The following FBXO40 variants were observed in gnomAD, a reference collection of about 807,000 sequenced individuals.
FBXO40 encodes F-box protein 40, also known as F-box only protein 40.
In FBXO40, 50 loss-of-function variants were observed where a neutral mutation model predicts 49.9. The ratio of observed to expected loss-of-function variants is 1.00; its 90% CI spans 0.80 to 1.27. FBXO40 has a LOEUF of 1.27. Among genes scored for constraint, FBXO40 ranks in the 50% most tolerant of loss-of-function variants. The probability of loss-of-function intolerance (pLI) is 0.00; values close to 1 mark genes in which losing one functional copy is unlikely to be tolerated. For missense variants in FBXO40, 895 were observed against 870.1 expected (o/e 1.03, Z -0.36); for synonymous variants, 340 against 320.2 (o/e 1.06, Z -0.66).
At chr3:121,601,513 A>T (rs2048901305) in intron 1 of FBXO40, among the ~76,000 whole-genome samples, 1 of 152,238 alleles carries the variant, frequency 6.6e-6, no homozygotes, top group South Asian at 2.1e-4. Context: ...CAGCTTCAAT[A>T]ATACTGTTCC....
Position 121,622,021 on chromosome 3 carries a change from G to A in FBXO40, c.592G>A (p.Glu198Lys), listed in dbSNP as rs1237704052. Residue 198 changes from glutamate to lysine, a missense_variant, in exon 3 of 4, where the codon GAA (glutamate) becomes AAA (lysine). Transcript: ENST00000338040. ...TNGEMAELSQ[E>K]EREVLAKTKE... ...TGGGGAGATGGCAGAGCTAAGTCAA[G>A]AAGAACGGGAGGTGCTAGCCAAAAC... The A allele has an allele frequency of 6.2e-7, 1 of 1,614,138 alleles. No homozygotes were observed. Among genetic ancestry groups the A allele is most frequent in the Non-Finnish European group, 8.5e-7 (1 of 1,180,058 alleles).
chr3:121,595,938 G>A (rs1258506457), intron 1 of FBXO40, among the ~76,000 whole-genome samples: 2 of 152,184 alleles, frequency 1.3e-5, no homozygotes, highest in Non-Finnish European at 2.9e-5. Flanking sequence ...ACATGAGGAG[G>A]CAGAATAGTT....
At chr3:121,594,026 C>T (rs188834677) in intron 1 of FBXO40, among the ~76,000 whole-genome samples, 2,236 of 151,860 alleles carry the variant, frequency 0.015, 19 homozygotes, top group Middle Eastern at 0.027. Flanking sequence ...CCACCACATC[C>T]GGCCAATTTT....
intron 1 of FBXO40, among the ~76,000 whole-genome samples, chr3:121,594,977 C>T (rs2048863939): frequency 1.3e-5 from 2 of 152,144 alleles, no homozygotes; most frequent in Admixed American, 1.3e-4. Context: ...GGTAAGGGAG[C>T]AGTGTTTATT....
intron 1 of FBXO40, among the ~76,000 whole-genome samples, chr3:121,615,910 T>G (rs938308340): frequency 4.6e-5 from 7 of 152,200 alleles, no homozygotes; most frequent in African/African-American, 1.7e-4. Context: ...CACTTTAAGA[T>G]GGAGTCACTC....
At chr3:121,609,558 A>G (rs1351882985) in intron 1 of FBXO40, among the ~76,000 whole-genome samples, 2 of 152,150 alleles carry the variant, frequency 1.3e-5, no homozygotes, top group Non-Finnish European at 2.9e-5. Flanking sequence ...TTCAAAGTCA[A>G]ACAGAGGTGT....
intron 1 of FBXO40, among the ~76,000 whole-genome samples, chr3:121,614,269 C>CA (rs35824526): frequency 0.33 from 25,217 of 77,452 alleles, 4,427 homozygotes; most frequent in African/African-American, 0.46. Flanking sequence ...GACTCTAGCT[C>CA]AAAAAAAAAA....
At chr3:121,605,980 G>A (rs2048930276) in intron 1 of FBXO40, among the ~76,000 whole-genome samples, 1 of 152,200 alleles carries the variant, frequency 6.6e-6, no homozygotes, top group African/African-American at 2.4e-5. Flanking sequence ...CAGCAATAGT[G>A]AAAGGAAGGA....
Position 121,616,177 on chromosome 3 carries a change from C to T in FBXO40, c.-30-4369C>T, listed in dbSNP as rs188598872. Among the ~76,000 whole-genome samples the T allele has an allele frequency of 1.5e-4, 23 of 152,222 alleles. 1 individual carries two copies. The highest frequency in any genetic ancestry group is 4.1e-4 in the South Asian group (2 of 4,822). On this transcript the variant is annotated intron_variant, in intron 1 of 3. Transcript: ENST00000338040. Reference sequence around the variant, plus strand: ...TGACCCTGTTTGATGCTTCTGCTTGCGATTTCTCACCTGCCCCCTGACTAG... The same window carrying T: ...TGACCCTGTTTGATGCTTCTGCTTGTGATTTCTCACCTGCCCCCTGACTAG...
At chr3:121,602,780 CTT>C (rs939633622) in intron 1 of FBXO40, among the ~76,000 whole-genome samples, 1 of 147,838 alleles carries the variant, frequency 6.8e-6, no homozygotes, top group Admixed American at 6.8e-5. Context: ...ATAATGGACT[CTT>C]TTTTTTTTTC....
chr3:121,617,585 ACT>A (rs1311529504), intron 1 of FBXO40, among the ~76,000 whole-genome samples: 1 of 151,968 alleles, frequency 6.6e-6, no homozygotes, highest in African/African-American at 2.4e-5. Flanking sequence ...ACAGTGTGAG[ACT>A]CTGTCACAAA....
Position 121,622,281 on chromosome 3 carries a change from C to A in FBXO40, c.852C>A (p.Thr284=). The change falls in exon 3 of 4, where the codon ACC becomes ACA. Residue 284 remains threonine (T), a synonymous_variant. Transcript: ENST00000338040. ...AGGACGTTCGTACAGCCATGGAAAC[C>A]ACAGGGCTTGCCCCTTGGCAGGATG... is the stretch of plus-strand genomic sequence containing the variant. ...KQQDVRTAME[T]TGLAPWQDGV... The A allele has an allele frequency of 6.2e-7, 1 of 1,614,184 alleles. No homozygotes were observed. Among genetic ancestry groups the A allele is most frequent in the Non-Finnish European group, 8.5e-7 (1 of 1,180,038 alleles).
In FBXO40 at chr3:121,623,178, C is replaced by A. The variant is rs776521736; in HGVS notation, c.1749C>A (p.Tyr583Ter). 9 of 1,614,196 alleles carry A rather than the reference C, an allele frequency of 5.6e-6. No homozygotes were observed. Among genetic ancestry groups the A allele is most frequent in the Non-Finnish European group, 7.6e-6 (9 of 1,180,032 alleles). ...LTSLPLEILKYIAGFLDSVSL... is the reference protein window; with the variant it reads ...LTSLPLEILK ...GCCTGCCCCTGGAGATTTTGAAGTA[C>A]ATTGCTGGGTTCTTGGACAGCGTCA... Residue 583 changes from tyrosine to a stop codon, truncating the protein, a stop_gained, in exon 3 of 4, where the codon TAC (tyrosine) becomes TAA (stop). Coordinates refer to ENST00000338040, the MANE Select transcript of FBXO40 (RefSeq NM_016298.4). LOFTEE classifies it high-confidence loss of function.
chr3:121,611,503 A>G (rs2048965360), intron 1 of FBXO40, among the ~76,000 whole-genome samples: 1 of 152,222 alleles, frequency 6.6e-6, no homozygotes, highest in Non-Finnish European at 1.5e-5. Context: ...CATTGCTGTA[A>G]ACATGTCTTG....
chr3:121,610,318 C>G (rs760917719), intron 1 of FBXO40, among the ~76,000 whole-genome samples: 12 of 152,180 alleles, frequency 7.9e-5, no homozygotes, highest in Non-Finnish European at 1.3e-4. Flanking sequence ...TTGAAAATTG[C>G]AAAAGTCATG....
Position 121,627,987 on chromosome 3 carries a change from C to T in FBXO40, c.*1077C>T. 1 of 398,506 alleles carries T rather than the reference C, an allele frequency of 2.5e-6. No individual in the cohort carries two copies. Among genetic ancestry groups the T allele is most frequent in the Non-Finnish European group, 4.4e-6 (1 of 226,040 alleles). The allele number at this position is 398,506 out of a possible 1,614,324, so 24.7% of individuals were successfully genotyped here. A position where few individuals can be genotyped will look rare whatever the true frequency, so the allele number is the denominator to read the frequency against. On this transcript the variant is annotated 3_prime_UTR_variant, in exon 4 of 4. Coordinates refer to ENST00000338040, the MANE Select transcript of FBXO40 (RefSeq NM_016298.4). ...AACGGCTCCCTGAAATTGCTCCTAC[C>T]CATCCATATTTCTGGTCATGCTTTC...
At chr3:121,594,447 C>T (rs868467364) in intron 1 of FBXO40, among the ~76,000 whole-genome samples, 2 of 152,132 alleles carry the variant, frequency 1.3e-5, no homozygotes, top group Non-Finnish European at 2.9e-5. Flanking sequence ...GTGATCCACC[C>T]GCTTCGGCCT....
At chr3:121,595,929 C>G (rs143686652) in intron 1 of FBXO40, among the ~76,000 whole-genome samples, 32 of 152,318 alleles carry the variant, frequency 2.1e-4, no homozygotes, top group African/African-American at 7.0e-4. Flanking sequence ...GCGCCAGCCA[C>G]ATGAGGAGGC....
At chr3:121,600,841 C>T (rs1054865513) in intron 1 of FBXO40, among the ~76,000 whole-genome samples, 3 of 152,300 alleles carry the variant, frequency 2.0e-5, no homozygotes, top group South Asian at 2.1e-4. Flanking sequence ...TCTCTGCCTC[C>T]GTGACACCCA....
Sources: allele counts gnomAD v4.1 joint callset (sites outside exome capture counted in the v4.1 genomes callset), GRCh38; gene constraint gnomAD v4.1.1; transcripts MANE v1.5; gene names NCBI Gene and HGNC (gene_info 2026-07-23, HGNC 2026-07-21).